Variants in CTNNA3 observed in about 807,000 individuals in gnomAD.
CTNNA3 encodes catenin alpha 3.
Under a neutral mutation model 95.7 loss-of-function variants are expected in CTNNA3, and 76 were observed. The observed-to-expected ratio is 0.79, with a 90% confidence interval of 0.66 to 0.96. The LOEUF is 0.96. CTNNA3 is among the 40% of genes least tolerant of loss of function. The pLI is 0.00. For missense variants in CTNNA3, 1,191 were observed against 1,089.8 expected, an observed-to-expected ratio of 1.09 and a Z score of -1.31; for synonymous variants, 431 against 374.4, an observed-to-expected ratio of 1.15 and a Z score of -1.74.
intron 10 of CTNNA3, among the ~76,000 whole-genome samples, chr10:66,583,050 T>A (rs1016837504): frequency 6.6e-6 from 1 of 151,916 alleles, no homozygotes; most frequent in Non-Finnish European, 1.5e-5. Context: ...TACTATTTTG[T>A]TGAGCATTTT....
intron 11 of CTNNA3, among the ~76,000 whole-genome samples, chr10:66,504,603 G>T (rs554211526): frequency 6.6e-6 from 1 of 152,240 alleles, no homozygotes; most frequent in East Asian, 1.9e-4. Flanking sequence ...GTGCTGTGTG[G>T]CAAGGAGAAA....
chr10:67,131,696 C>T (rs1589774114), intron 7 of CTNNA3, among the ~76,000 whole-genome samples: 2 of 152,038 alleles, frequency 1.3e-5, no homozygotes, highest in East Asian at 3.9e-4. Flanking sequence ...ATAAGAGGTG[C>T]TCAAAAATTA....
intron 15 of CTNNA3, among the ~76,000 whole-genome samples, chr10:66,017,699 A>C (rs2079121427): frequency 6.6e-6 from 1 of 152,082 alleles, no homozygotes; most frequent in Non-Finnish European, 1.5e-5. Flanking sequence ...ATATCACTTA[A>C]TCATGTGGCC....
At chr10:66,116,235 G>A (rs72793500) in intron 13 of CTNNA3, among the ~76,000 whole-genome samples, 1 of 152,124 alleles carries the variant, frequency 6.6e-6, no homozygotes. Flanking sequence ...TTTCTACACA[G>A]ACTTGTCCTG....
intron 3 of CTNNA3, among the ~76,000 whole-genome samples, chr10:67,596,199 G>A (rs1332066955): frequency 6.6e-6 from 1 of 152,152 alleles, no homozygotes; most frequent in Non-Finnish European, 1.5e-5. Context: ...ATGTAGACTT[G>A]ATTATGTAGT....
chr10:66,975,591 G>A (rs1298515017), intron 7 of CTNNA3, among the ~76,000 whole-genome samples: 1 of 152,178 alleles, frequency 6.6e-6, no homozygotes, highest in Non-Finnish European at 1.5e-5. Context: ...AATTCTATGA[G>A]TCTATGATTG....
intron 1 of CTNNA3, among the ~76,000 whole-genome samples, chr10:67,675,680 A>G (rs1475720888): frequency 3.3e-5 from 5 of 152,190 alleles, no homozygotes; most frequent in Non-Finnish European, 5.9e-5. Flanking sequence ...GAGCAGGGAA[A>G]TACACTCTGC....
rs869161944 is a variant in CTNNA3, at chr10:66,360,596, CTTCTTTCTTTCTTTCTTTCTTTCT to C, written c.1732+18532_1732+18555del. 9.0e-4 allele frequency among the ~76,000 whole-genome samples: 85 copies of C among 94,150 alleles called. 1 individual carries two copies. Among genetic ancestry groups the C allele is most frequent in the African/African-American group, 2.3e-3 (71 of 30,260 alleles). 61.8% of individuals were successfully genotyped at this position (94,150 alleles called of 152,430 possible). A position where few individuals can be genotyped will look rare whatever the true frequency, so the allele number is the denominator to read the frequency against. ...AGGCTTACCTCTAATGTATTCTTTC[CTTCTTTCTTTCTTTCTTTCTTTCT>C]TTCTTTCTTTCTTTCTTTCTTTCTT... is the stretch of plus-strand genomic sequence containing the variant. On this transcript the variant is annotated intron_variant, in intron 12 of 17. Transcript: ENST00000433211.
At chr10:66,005,743 G>A (rs1490562338) in intron 15 of CTNNA3, among the ~76,000 whole-genome samples, 2 of 151,994 alleles carry the variant, frequency 1.3e-5, no homozygotes, top group Admixed American at 6.6e-5. Context: ...CTCTTCTAGG[G>A]TAGATGAGAA....
chr10:66,858,704 T>C (rs4614327), intron 7 of CTNNA3, among the ~76,000 whole-genome samples: 43,728 of 151,886 alleles, frequency 0.29, 7,084 homozygotes, highest in East Asian at 0.54. Flanking sequence ...GTATTTGCAG[T>C]TTTTGTACTT....
intron 7 of CTNNA3, among the ~76,000 whole-genome samples, chr10:66,850,367 G>A (rs1843442287): frequency 6.6e-6 from 1 of 152,148 alleles, no homozygotes; most frequent in Non-Finnish European, 1.5e-5. Flanking sequence ...AAGGTGGGGA[G>A]AGACACGTAT....
intron 13 of CTNNA3, among the ~76,000 whole-genome samples, chr10:66,257,185 T>C (rs1360783537): frequency 2.0e-5 from 3 of 152,240 alleles, no homozygotes; most frequent in Admixed American, 6.5e-5. Flanking sequence ...CCAGCCCCTA[T>C]CTTTTCCATC....
intron 10 of CTNNA3, among the ~76,000 whole-genome samples, chr10:66,562,838 A>G (rs1842594155): frequency 6.6e-6 from 1 of 152,114 alleles, no homozygotes; most frequent in Non-Finnish European, 1.5e-5. Context: ...CACTGGAAAT[A>G]TCTTTATACT....
intron 11 of CTNNA3, among the ~76,000 whole-genome samples, chr10:66,498,567 A>T (rs1840174612): frequency 6.6e-6 from 1 of 152,172 alleles, no homozygotes; most frequent in African/African-American, 2.4e-5. Context: ...TGTCTAATTA[A>T]GCAGAAAATT....
At chr10:66,352,972 C>A (rs1034277186) in intron 12 of CTNNA3, among the ~76,000 whole-genome samples, 15 of 152,074 alleles carry the variant, frequency 9.9e-5, no homozygotes, top group African/African-American at 3.6e-4. Flanking sequence ...AGTTTTATTT[C>A]TCAAGCTGAG....
At chr10:66,877,029 A>G (rs1257349764) in intron 7 of CTNNA3, among the ~76,000 whole-genome samples, 1 of 152,098 alleles carries the variant, frequency 6.6e-6, no homozygotes. Context: ...CTTTCTCTGA[A>G]GACGCTCAGG....
chr10:66,645,701 C>G (rs10762082), intron 9 of CTNNA3, among the ~76,000 whole-genome samples: 100,729 of 152,000 alleles, frequency 0.66, 34,266 homozygotes, highest in East Asian at 0.95. Flanking sequence ...GATTCTCATA[C>G]GAGCTCCAAC....
chr10:66,868,750 CAAA>C (rs34594360), intron 7 of CTNNA3, among the ~76,000 whole-genome samples: 94 of 130,464 alleles, frequency 7.2e-4, no homozygotes, highest in African/African-American at 1.6e-3. Context: ...GACTCCGTCT[CAAA>C]AAAAAAAAAA....
intron 16 of CTNNA3, among the ~76,000 whole-genome samples, chr10:65,979,706 C>G (rs1233863601): frequency 6.6e-6 from 1 of 151,838 alleles, no homozygotes; most frequent in Non-Finnish European, 1.5e-5. Context: ...GATAATCACC[C>G]TAGGAGCATT....
Sources: allele counts gnomAD v4.1 joint callset (sites outside exome capture counted in the v4.1 genomes callset), GRCh38; gene constraint gnomAD v4.1.1; transcripts MANE v1.5; gene names NCBI Gene and HGNC (gene_info 2026-07-23, HGNC 2026-07-21).